The following GABRG2 variants were observed in gnomAD, a reference collection of about 807,000 sequenced individuals.
The protein encoded by GABRG2 is gamma-aminobutyric acid type A receptor subunit gamma2.
In GABRG2, 16 loss-of-function variants were observed where a neutral mutation model predicts 56.4. That is an observed-to-expected ratio of 0.28 (90% CI 0.19 to 0.43). The LOEUF is 0.43. GABRG2 is among the 20% of genes least tolerant of loss of function. The pLI, the probability that GABRG2 is intolerant of heterozygous loss-of-function variation, is 1.00. For missense variants in GABRG2, 327 were observed against 582.7 expected (o/e 0.56, Z 4.52); for synonymous variants, 208 against 205.5 (o/e 1.01, Z -0.10).
chr5:162,136,140 A>G (rs1379941717), intron 6 of GABRG2, among the ~76,000 whole-genome samples: 2 of 152,176 alleles, frequency 1.3e-5, no homozygotes, highest in Non-Finnish European at 2.9e-5. Flanking sequence ...TAAAGCTGGG[A>G]TGGTTCAGGA....
intron 1 of GABRG2, among the ~76,000 whole-genome samples, chr5:162,091,444 G>T (rs543663376): frequency 3.3e-5 from 5 of 152,204 alleles, no homozygotes; most frequent in African/African-American, 4.8e-5. Flanking sequence ...TGTAATATGA[G>T]AACTAATATT....
At chr5:162,109,184 T>C (rs1248691582) in intron 6 of GABRG2, among the ~76,000 whole-genome samples, 1 of 151,594 alleles carries the variant, frequency 6.6e-6, no homozygotes, top group East Asian at 1.9e-4. Flanking sequence ...TAGGTGGGAA[T>C]TGAACAATGA....
chr5:162,081,064 G>T (rs553107542), intron 1 of GABRG2, among the ~76,000 whole-genome samples: 2 of 152,130 alleles, frequency 1.3e-5, no homozygotes, highest in East Asian at 3.9e-4. Context: ...ATTGACAAAA[G>T]TATACTTATT....
At chr5:162,095,991 T>C (rs766803975) in intron 3 of GABRG2, among the ~76,000 whole-genome samples, 8 of 151,960 alleles carry the variant, frequency 5.3e-5, no homozygotes, top group Non-Finnish European at 1.2e-4. Context: ...AAATGTGAAA[T>C]ACAAAACTAG....
intron 7 of GABRG2, among the ~76,000 whole-genome samples, chr5:162,146,365 AAATAAT>A (rs1764949376): frequency 6.6e-6 from 1 of 152,058 alleles, no homozygotes; most frequent in Non-Finnish European, 1.5e-5. Context: ...TCACCTGTAA[AAATAAT>A]AATAATAGTA....
intron 6 of GABRG2, among the ~76,000 whole-genome samples, chr5:162,135,075 G>C (rs1472147357): frequency 6.6e-6 from 1 of 152,116 alleles, no homozygotes; most frequent in Non-Finnish European, 1.5e-5. Flanking sequence ...TAGTAGACTT[G>C]GCACACTGTG....
chr5:162,086,943 T>C (rs1399761401), intron 1 of GABRG2, among the ~76,000 whole-genome samples: 2 of 152,074 alleles, frequency 1.3e-5, no homozygotes, highest in Non-Finnish European at 2.9e-5. Context: ...ATGCATTTTC[T>C]TTTGGAAATA....
intron 9 of GABRG2, chr5:162,151,996 G>A: frequency 2.5e-6 from 1 of 406,188 alleles, no homozygotes; most frequent in Non-Finnish European, 4.3e-6. Context: ...AGGTAAAGAA[G>A]GCTGCTTTAT....
At chr5:162,108,967 A>C (rs1396347296) in intron 6 of GABRG2, among the ~76,000 whole-genome samples, 2 of 152,134 alleles carry the variant, frequency 1.3e-5, no homozygotes, top group Admixed American at 1.3e-4. Flanking sequence ...ATACATGTGC[A>C]TGTGTCTTTA....
At chr5:162,085,963 T>A (rs1352662835) in intron 1 of GABRG2, among the ~76,000 whole-genome samples, 1 of 151,952 alleles carries the variant, frequency 6.6e-6, no homozygotes, top group Non-Finnish European at 1.5e-5. Context: ...ACCACATTTT[T>A]TTTTTTATCC....
rs78827962 is a variant in GABRG2, at chr5:162,083,987, A to G, written c.108-9841A>G. Among the ~76,000 whole-genome samples, 84 of 151,970 alleles carry G rather than the reference A, an allele frequency of 5.5e-4. No homozygotes were observed. In the East Asian group the frequency reaches 0.015, roughly 28 times the overall value. ...ACTGGAAATCAGTGTCACTTTTCAT[A>G]TTAGAAGACAACTGCAAATAAATTC... On this transcript the variant is annotated intron_variant, in intron 1 of 9. Transcript: ENST00000639213.
chr5:162,145,645 T>C (rs143589869), intron 7 of GABRG2, among the ~76,000 whole-genome samples: 1 of 152,332 alleles, frequency 6.6e-6, no homozygotes, highest in African/African-American at 2.4e-5. Context: ...CTATGTAGCC[T>C]AAATAACATT....
At chr5:162,149,986 A>C (rs569563113) in intron 8 of GABRG2, 2 of 186,754 alleles carry the variant, frequency 1.1e-5, no homozygotes, top group Non-Finnish European at 2.3e-5. Context: ...GGAAGCTATA[A>C]GGTCCTTGAA....
intron 1 of GABRG2, among the ~76,000 whole-genome samples, chr5:162,079,359 A>G (rs1340744340): frequency 2.0e-5 from 3 of 152,318 alleles, no homozygotes; most frequent in East Asian, 3.9e-4. Context: ...ACAGTTGTTT[A>G]AGTTTCAATA....
Position 162,101,236 on chromosome 5 carries a change from T to C in GABRG2, c.550T>C (p.Leu184=). 1.3e-6 allele frequency: 2 copies of C among 1,597,548 alleles called. No individual in the cohort carries two copies. Among genetic ancestry groups the C allele is most frequent in the Non-Finnish European group, 1.7e-6 (2 of 1,165,522 alleles). The change falls in exon 5 of 10, where the codon TTG becomes CTG. Residue 184 remains leucine (L), a splice_region_variant and synonymous_variant. Transcript: ENST00000639213. ...NDGRVLYTLR[L]TIDAECQLQL... ...TATGTTTAATATCTTTCTACTTAGG[T>C]TGACAATTGATGCTGAGTGCCAATT...
intron 2 of GABRG2, 196 bp downstream of exon 2, chr5:162,094,175 T>C (rs1053452597): frequency 6.7e-6 from 4 of 593,756 alleles, no homozygotes; most frequent in Non-Finnish European, 1.2e-5. Flanking sequence ...TGAAGAAATA[T>C]TATTTTCAAG....
At chr5:162,119,143 G>A (rs1194314575) in intron 6 of GABRG2, among the ~76,000 whole-genome samples, 1 of 152,066 alleles carries the variant, frequency 6.6e-6, no homozygotes, top group Non-Finnish European at 1.5e-5. Context: ...CAGAGATATA[G>A]AGAAATATTT....
chr5:162,094,065 G>A (rs975465896), intron 2 of GABRG2, 86 bp downstream of exon 2: 8 of 1,412,702 alleles, frequency 5.7e-6, no homozygotes, highest in Non-Finnish European at 7.0e-6. Context: ...TGTAGTTCAA[G>A]AGCAAGGAAG....
In GABRG2 at chr5:162,105,432, C is replaced by T. The variant is rs200268576; in HGVS notation, c.769+1406C>T. ...GACCATCAAGTATTAGTAGAACAAT[C>T]TTTTTTTTTTTTTTTGAGAAGGAGT... On this transcript the variant is annotated intron_variant, in intron 6 of 9. Transcript: ENST00000639213. Among the ~76,000 whole-genome samples the T allele has an allele frequency of 5.1e-4, 53 of 104,114 alleles. 2 individuals carry two copies. The highest frequency in any genetic ancestry group is 1.0e-3 in the Admixed American group (8 of 7,652). The allele number at this position is 104,114 out of a possible 152,430, so 68.3% of individuals were successfully genotyped here.
Sources: allele counts gnomAD v4.1 joint callset (sites outside exome capture counted in the v4.1 genomes callset), GRCh38; gene constraint gnomAD v4.1.1; transcripts MANE v1.5; gene names NCBI Gene and HGNC (gene_info 2026-07-23, HGNC 2026-07-21).